ITPK1: variants seen among roughly 807,000 people sequenced by gnomAD.
The protein encoded by ITPK1 is inositol-tetrakisphosphate 1-kinase, also known as inositol 1,3,4-trisphosphate 5/6-kinase.
Under a neutral mutation model 45.3 loss-of-function variants are expected in ITPK1, and 21 were observed. The ratio of observed to expected loss-of-function variants is 0.46; its 90% CI spans 0.33 to 0.67. ITPK1 has a LOEUF of 0.67. Among genes scored for constraint, ITPK1 ranks in the 30% least tolerant of loss-of-function variants. The pLI is 0.02. For missense variants in ITPK1, 474 were observed against 573.5 expected, an observed-to-expected ratio of 0.83 and a Z score of 1.77; for synonymous variants, 258 against 253.6, an observed-to-expected ratio of 1.02 and a Z score of -0.16.
chr14:93,021,990 T>A lies in ITPK1; in HGVS notation c.121-5189A>T, dbSNP rs77251045. ...GTGGGTAACTTTTCTCCCTAGAAGA[T>A]AAAGGGTCAAGACAACTAAATGGCC... is the stretch of plus-strand genomic sequence containing the variant. On this transcript the variant is annotated intron_variant, in intron 3 of 10. Coordinates refer to ENST00000267615, the MANE Select transcript of ITPK1 (RefSeq NM_014216.6). Among the ~76,000 whole-genome samples the A allele has an allele frequency of 8.0e-3, 1,212 of 152,250 alleles. 23 individuals carry two copies. Among genetic ancestry groups the A allele is most frequent in the African/African-American group, 0.028 (1,150 of 41,544 alleles).
rs563979838 is a variant in ITPK1 at position 92,949,178 on chromosome 14, C to T, written c.739-2685G>A. 2.0e-5 allele frequency among the ~76,000 whole-genome samples: 3 copies of T among 152,118 alleles called. 1 individual carries two copies. In the East Asian group the frequency reaches 5.8e-4, roughly 29 times the overall value. ...GCGAGATCACAACTCACCGCAGCCT[C>T]GACCTTCCGGGCTCAAATGAACCTA... On this transcript the variant is annotated intron_variant, in intron 9 of 10. Coordinates refer to ENST00000267615, the MANE Select transcript of ITPK1 (RefSeq NM_014216.6).
At chr14:92,982,430 G>A (rs1261654954) in intron 5 of ITPK1, among the ~76,000 whole-genome samples, 1 of 152,176 alleles carries the variant, frequency 6.6e-6, no homozygotes, top group Non-Finnish European at 1.5e-5. Context: ...AAGTAGAGGG[G>A]CACCGTGAGA....
intron 9 of ITPK1, 140 bp from the exon 10 acceptor site, chr14:92,946,633 C>T: frequency 1.2e-6 from 1 of 836,472 alleles, no homozygotes. Context: ...CTGTGGTGAG[C>T]ACGGGGCGGC....
chr14:92,946,929 C>T (rs1012138918), intron 9 of ITPK1, among the ~76,000 whole-genome samples: 2 of 152,190 alleles, frequency 1.3e-5, no homozygotes, highest in African/African-American at 2.4e-5. Flanking sequence ...TGCAGAGCAC[C>T]GAAGCCGGAA....
chr14:92,981,272 G>C (rs1338962783), intron 5 of ITPK1, among the ~76,000 whole-genome samples: 1 of 152,154 alleles, frequency 6.6e-6, no homozygotes, highest in Non-Finnish European at 1.5e-5. Context: ...AGCCACAGCA[G>C]CCTCCCAATG....
chr14:93,068,166 G>T (rs1038433262), intron 3 of ITPK1: 6 of 152,314 alleles, frequency 3.9e-5, no homozygotes, highest in African/African-American at 1.2e-4. Flanking sequence ...TCTCTTAGGT[G>T]TCTTCAATCC....
chr14:93,079,028 G>A (rs532803613), intron 2 of ITPK1, among the ~76,000 whole-genome samples: 96 of 152,186 alleles, frequency 6.3e-4, no homozygotes, highest in African/African-American at 2.2e-3. Context: ...CAACCCTGCT[G>A]GCATCTGGGT....
chr14:93,030,518 CTGAAGATGCAACG>C (rs1383016631), intron 3 of ITPK1, among the ~76,000 whole-genome samples: 16 of 152,294 alleles, frequency 1.1e-4, no homozygotes, highest in Admixed American at 5.2e-4. Flanking sequence ...TGCTCAAGCT[CTGAAGATGCAACG>C]TGAAGATGAC....
Position 92,939,982 on chromosome 14 carries a change from G to A in ITPK1, c.*1579C>T, listed in dbSNP as rs1367802595. 1 of 985,754 alleles carries A rather than the reference G, an allele frequency of 1.0e-6. No homozygotes were observed. Among genetic ancestry groups the A allele is most frequent in the Non-Finnish European group, 1.2e-6 (1 of 829,946 alleles). 61.1% of individuals were successfully genotyped at this position (985,754 alleles called of 1,614,324 possible). ...AAGGTGACGTACAGACATTAATCGG[G>A]GTTCAAAACTCAAGTCGTGTAAACG... On this transcript the variant is annotated 3_prime_UTR_variant, in exon 11 of 11. Transcript: ENST00000267615.
intron 3 of ITPK1, among the ~76,000 whole-genome samples, chr14:93,054,490 GA>G (rs1323587362): frequency 2.6e-5 from 4 of 151,822 alleles, no homozygotes; most frequent in Non-Finnish European, 5.9e-5. Context: ...AAACCATTGG[GA>G]AAAAAACAAA....
intron 2 of ITPK1, among the ~76,000 whole-genome samples, chr14:93,099,437 A>G (rs1042605412): frequency 3.3e-5 from 5 of 152,204 alleles, no homozygotes; most frequent in Admixed American, 3.3e-4. Flanking sequence ...AAGGTTCTGC[A>G]CAGCGACAGC....
chr14:92,990,016 C>T (rs1051179576), intron 5 of ITPK1, among the ~76,000 whole-genome samples: 4 of 152,176 alleles, frequency 2.6e-5, no homozygotes, highest in African/African-American at 9.7e-5. Flanking sequence ...GTTGGGTCCT[C>T]AGGCAGGGAC....
chr14:92,971,793 T>G (rs1328985007), intron 5 of ITPK1, among the ~76,000 whole-genome samples: 2 of 152,180 alleles, frequency 1.3e-5, no homozygotes, highest in Non-Finnish European at 2.9e-5. Context: ...CCCGGGGTGG[T>G]TGCAGGGACG....
At chr14:92,960,275 T>C (rs941578) in intron 7 of ITPK1, among the ~76,000 whole-genome samples, 22,742 of 152,060 alleles carry the variant, frequency 0.15, 2,294 homozygotes, top group African/African-American at 0.28. Context: ...GCTGACCCCA[T>C]ACTTGAGGGC....
At chr14:92,999,413 C>G (rs937034152) in intron 4 of ITPK1, among the ~76,000 whole-genome samples, 1 of 152,262 alleles carries the variant, frequency 6.6e-6, no homozygotes, top group African/African-American at 2.4e-5. Context: ...CACTCAGGAC[C>G]CAGGGGCTGA....
chr14:93,036,381 A>C lies in ITPK1; in HGVS notation c.121-19580T>G, dbSNP rs1256673667. Among the ~76,000 whole-genome samples the C allele has an allele frequency of 1.3e-5, 2 of 152,194 alleles. No individual in the cohort carries two copies. The highest frequency in any genetic ancestry group is 4.8e-5 in the African/African-American group (2 of 41,444). On this transcript the variant is annotated intron_variant, in intron 3 of 10. Coordinates refer to ENST00000267615, the MANE Select transcript of ITPK1 (RefSeq NM_014216.6). This position sits in a 1 kb window ranked among gnomAD's most constrained non-coding sequence, Gnocchi z 4.1. ...CAAACATCTCACTGAGGTTTAAGAT[A>C]AACCAAAGATGCTGAGAGAACAAAT...
In ITPK1 at chr14:93,040,828, G is replaced by A. The variant is rs1256992602; in HGVS notation, c.121-24027C>T. On this transcript the variant is annotated intron_variant, in intron 3 of 10. Coordinates refer to ENST00000267615, the MANE Select transcript of ITPK1 (RefSeq NM_014216.6). ...GGAAACAGCCAAGCTTGGGAGGCAGGAGAACTAGAAGCAAGGTCCTGGCTC... is the reference window on the plus strand; with the variant it reads ...GGAAACAGCCAAGCTTGGGAGGCAGAAGAACTAGAAGCAAGGTCCTGGCTC... 3.9e-5 allele frequency among the ~76,000 whole-genome samples: 6 copies of A among 152,280 alleles called. No individual in the cohort carries two copies. The East Asian group carries it at 5.8e-4, about 15-fold the overall frequency.
intron 3 of ITPK1, among the ~76,000 whole-genome samples, chr14:93,053,812 G>C (rs578050088): frequency 6.6e-6 from 1 of 152,188 alleles, no homozygotes; most frequent in African/African-American, 2.4e-5. Context: ...CTAAAATAGA[G>C]TCTATTAAAA....
chr14:93,092,250 C>T (rs770298688), intron 2 of ITPK1, among the ~76,000 whole-genome samples: 15 of 152,334 alleles, frequency 9.8e-5, no homozygotes, highest in Non-Finnish European at 1.5e-4. Context: ...CACAGCCCCA[C>T]GCCAAAGATG....
Sources: gnomAD v4.1 joint callset for allele counts (sites outside exome capture counted in the v4.1 genomes callset) on GRCh38, gnomAD v4.1.1 for gene constraint, Gnocchi (gnomAD v3.1) non-coding constraint, MANE v1.5 for transcripts, NCBI Gene and HGNC (gene_info 2026-07-23, HGNC 2026-07-21) for gene names.